BIRC6: variants seen among roughly 807,000 people sequenced by gnomAD.
The protein encoded by BIRC6 is baculoviral IAP repeat containing 6.
Under a neutral mutation model 503.3 loss-of-function variants are expected in BIRC6, and 98 were observed. The observed-to-expected ratio is 0.19, with a 90% CI of 0.17 to 0.23. The LOEUF is 0.23. BIRC6 is among the 10% of genes least tolerant of loss of function. The probability of loss-of-function intolerance (pLI) is 1.00; values close to 1 mark genes in which losing one functional copy is unlikely to be tolerated. For synonymous variants in BIRC6, 2,240 were observed against 2,078.7 expected (o/e 1.08, Z -2.11); for missense variants, 5,360 against 5,806.0 (o/e 0.92, Z 2.50).
At chr2:32,411,145 T>G (rs150578665) in intron 9 of BIRC6, among the ~76,000 whole-genome samples, 1 of 151,764 alleles carries the variant, frequency 6.6e-6, no homozygotes, top group Non-Finnish European at 1.5e-5. Context: ...TTCAAACGAT[T>G]CTCCTGCTTC....
In BIRC6 at chr2:32,485,645, C is replaced by A; in HGVS notation, c.7699C>A (p.Leu2567Met). 6.2e-7 allele frequency: 1 copy of A among 1,608,582 alleles called. No homozygotes were observed. Among genetic ancestry groups the A allele is most frequent in the Non-Finnish European group, 8.5e-7 (1 of 1,175,614 alleles). ...TTTCTTTCAATTGCTTTTTGTAGCC[C>A]TGGATGCTCGCCTAGAAGTTGGACT... ...QTVSVSVSQA[L>M]DARLEVGLEQ... The change falls in exon 40 of 74, where the codon CTG becomes ATG. Residue 2567 changes from leucine to methionine, a missense_variant and splice_region_variant. Transcript: ENST00000421745.
chr2:32,591,007 A>C, intron 66 of BIRC6: 1 of 984,554 alleles, frequency 1.0e-6, no homozygotes, highest in Non-Finnish European at 1.2e-6. Context: ...AGCTGGGCCT[A>C]CATATGGGTT....
intron 8 of BIRC6, among the ~76,000 whole-genome samples, chr2:32,404,021 A>G (rs2040900039): frequency 6.7e-6 from 1 of 148,746 alleles, no homozygotes; most frequent in African/African-American, 2.5e-5. Flanking sequence ...TCTGCCTCCC[A>G]GGTTCAAATG....
intron 23 of BIRC6, among the ~76,000 whole-genome samples, chr2:32,456,754 A>G (rs1204024317): frequency 6.6e-6 from 1 of 152,074 alleles, no homozygotes; most frequent in African/African-American, 2.4e-5. Flanking sequence ...GTGTTCTTCA[A>G]ATTCTCTATC....
At chr2:32,604,628 CTT>C (rs578257345) in intron 71 of BIRC6, among the ~76,000 whole-genome samples, 1 of 152,070 alleles carries the variant, frequency 6.6e-6, no homozygotes, top group East Asian at 1.9e-4. Flanking sequence ...CAAATACAAA[CTT>C]TATATTTTTC....
chr2:32,549,405 T>C lies in BIRC6; in HGVS notation c.13068T>C (p.Leu4356=). 2.0e-6 allele frequency: 3 copies of C among 1,521,298 alleles called. No homozygotes were observed. Among genetic ancestry groups the C allele is most frequent in the Non-Finnish European group, 2.7e-6 (3 of 1,115,296 alleles). 94.2% of individuals were successfully genotyped at this position (1,521,298 alleles called of 1,614,324 possible). Residue 4356 remains leucine, a synonymous_variant, in exon 65 of 74, where the codon CTT becomes CTC. Coordinates refer to ENST00000421745, the MANE Select transcript of BIRC6 (RefSeq NM_016252.4). ...HETRGQNSNA[L]PSVLLELLSQ... is the part of the protein sequence containing the mutation. ...CTAGAGGGCAGAACAGTAATGCCCT[T>C]CCTTCTGTACTTCTCGAGCTTCTCA...
intron 30 of BIRC6, 26 bp downstream of exon 30, chr2:32,469,640 T>G: frequency 1.9e-6 from 3 of 1,552,334 alleles, no homozygotes; most frequent in East Asian, 4.5e-5. Context: ...TTGGAGGTAT[T>G]TGTTATTAAT....
chr2:32,532,437 G>A (rs531050405), intron 61 of BIRC6, among the ~76,000 whole-genome samples: 1 of 152,046 alleles, frequency 6.6e-6, no homozygotes, highest in South Asian at 2.1e-4. Flanking sequence ...TTTAATTTCT[G>A]CCTACGTCGT....
intron 38 of BIRC6, among the ~76,000 whole-genome samples, chr2:32,481,765 CA>C (rs55948579): frequency 1.5e-5 from 2 of 135,736 alleles, no homozygotes; most frequent in Non-Finnish European, 3.2e-5. Context: ...GACTCTGTCT[CA>C]AAAAAAAAGA....
chr2:32,617,133 T>C (rs1341847862), intron 73 of BIRC6, among the ~76,000 whole-genome samples: 1 of 145,866 alleles, frequency 6.9e-6, no homozygotes, highest in Admixed American at 6.8e-5. Flanking sequence ...GCCGGGTGCA[T>C]TGGCTCACGC....
chr2:32,513,864 G>A (rs953504817), intron 54 of BIRC6, among the ~76,000 whole-genome samples: 5 of 151,698 alleles, frequency 3.3e-5, no homozygotes, highest in African/African-American at 9.7e-5. Flanking sequence ...TGCTAAGATT[G>A]CACCATTGAA....
At chr2:32,400,243 C>G (rs2040445712) in intron 6 of BIRC6, among the ~76,000 whole-genome samples, 1 of 150,596 alleles carries the variant, frequency 6.6e-6, no homozygotes, top group African/African-American at 2.4e-5. Flanking sequence ...AGTTATTTGT[C>G]TGATTTGATC....
At chr2:32,386,623 A>G (rs376028878) in intron 3 of BIRC6, among the ~76,000 whole-genome samples, 44 of 152,092 alleles carry the variant, frequency 2.9e-4, no homozygotes, top group Admixed American at 9.8e-4. Flanking sequence ...ATTTTTTAGT[A>G]GAGATGAGAT....
intron 73 of BIRC6, 40 bp from the exon 74 acceptor site, chr2:32,617,685 G>A (rs771881308): frequency 6.3e-7 from 1 of 1,586,234 alleles, no homozygotes; most frequent in African/African-American, 1.3e-5. Flanking sequence ...TTGTGCTAGA[G>A]GGTTTGCAGT....
At chr2:32,526,177 AAAC>A (rs2056254065) in intron 59 of BIRC6, among the ~76,000 whole-genome samples, 9 of 152,188 alleles carry the variant, frequency 5.9e-5, no homozygotes, top group Admixed American at 5.9e-4. Context: ...GTTACAGTCT[AAAC>A]ACAGGCACAC....
chr2:32,367,599 T>C (rs894859730), intron 1 of BIRC6, among the ~76,000 whole-genome samples: 1 of 152,042 alleles, frequency 6.6e-6, no homozygotes, highest in Non-Finnish European at 1.5e-5. Context: ...GACAGGCAGA[T>C]CAGTTCAGGA....
intron 70 of BIRC6, 135 bp from the exon 71 acceptor site, chr2:32,602,871 C>CTTA (rs2062160063): frequency 1.6e-6 from 1 of 635,346 alleles, no homozygotes; most frequent in Non-Finnish European, 2.6e-6. Flanking sequence ...ACAGACAACC[C>CTTA]TTAGGGTTTT....
In BIRC6 at chr2:32,509,792, A is replaced by G. The variant is rs2054215032; in HGVS notation, c.10035A>G (p.Glu3345=). ...HHCLTHISDL[E]GMMASAAAPT... Reference sequence around the variant, plus strand: ...GCCTTACTCACATAAGTGATCTAGAAGGAATGATGGCAAGTGCAGCTGCAC... The same window carrying G: ...GCCTTACTCACATAAGTGATCTAGAGGGAATGATGGCAAGTGCAGCTGCAC... The change falls in exon 52 of 74, where the codon GAA becomes GAG. Residue 3345 remains glutamate, a synonymous_variant. Coordinates refer to ENST00000421745, the MANE Select transcript of BIRC6 (RefSeq NM_016252.4). 2 of 1,614,034 alleles carry G rather than the reference A, an allele frequency of 1.2e-6. No homozygotes were observed. Among genetic ancestry groups the G allele is most frequent in the East Asian group, 4.5e-5 (2 of 44,886 alleles).
At chr2:32,468,184 C>A in intron 28 of BIRC6, 73 bp downstream of exon 28, 1 of 1,449,696 alleles carries the variant, frequency 6.9e-7, no homozygotes, top group Non-Finnish European at 9.4e-7. Context: ...ATAATTCTGT[C>A]AAGAAATGTC....
Sources: allele counts gnomAD v4.1 joint callset (sites outside exome capture counted in the v4.1 genomes callset), GRCh38; gene constraint gnomAD v4.1.1; transcripts MANE v1.5; gene names NCBI Gene and HGNC (gene_info 2026-07-23, HGNC 2026-07-21).